Variants in RET observed in about 807,000 individuals in gnomAD.
RET encodes ret proto-oncogene.
RET carries 19 observed loss-of-function variants against 118.3 expected under a neutral mutation model. The ratio of observed to expected loss-of-function variants is 0.16; its 90% CI spans 0.11 to 0.24. The LOEUF (loss-of-function observed/expected upper bound fraction) is 0.24. RET is among the 10% of genes least tolerant of loss of function. The probability of loss-of-function intolerance (pLI) is 1.00; values close to 1 mark genes in which losing one functional copy is unlikely to be tolerated. For missense variants in RET, 1,219 were observed against 1,502.1 expected (o/e 0.81, Z 3.12); for synonymous variants, 597 against 644.1 (o/e 0.93, Z 1.11).
chr10:43,103,323 G>A (rs918379075), intron 3 of RET, among the ~76,000 whole-genome samples: 15 of 152,194 alleles, frequency 9.9e-5, no homozygotes, highest in African/African-American at 1.4e-4. Context: ...AGGTTCAGGG[G>A]CGAAGCTGGG....
chr10:43,080,229 G>A (rs932968811), intron 1 of RET, among the ~76,000 whole-genome samples: 1 of 152,212 alleles, frequency 6.6e-6, no homozygotes, highest in Admixed American at 6.5e-5. Context: ...GGAACCTGGG[G>A]TGCCAAGGGG....
intron 11 of RET, 33 bp from the exon 12 acceptor site, chr10:43,116,551 C>G (rs1451553190): frequency 6.2e-7 from 1 of 1,613,148 alleles, no homozygotes; most frequent in Non-Finnish European, 8.5e-7. Context: ...ACTTTTCCCC[C>G]CTCTTCTCCC....
intron 1 of RET, among the ~76,000 whole-genome samples, chr10:43,079,378 C>T (rs1160818339): frequency 6.6e-6 from 1 of 152,230 alleles, no homozygotes; most frequent in African/African-American, 2.4e-5. Flanking sequence ...CTCCTCATAC[C>T]TGCAGGGCAT....
chr10:43,119,427 A>G (rs1397239319), intron 13 of RET, 104 bp from the exon 14 acceptor site: 3 of 895,700 alleles, frequency 3.3e-6, no homozygotes, highest in Non-Finnish European at 5.2e-6. Context: ...CCCCTTACTC[A>G]TTGGGTGGCC....
intron 1 of RET, among the ~76,000 whole-genome samples, chr10:43,091,117 T>TA (rs1837401361): frequency 6.6e-6 from 1 of 151,972 alleles, no homozygotes; most frequent in African/African-American, 2.4e-5. Context: ...GATCCCCCTA[T>TA]AAAAACCAGA....
At chr10:43,127,142 C>T (rs1838352931) in intron 19 of RET, 1 of 1,119,310 alleles carries the variant, frequency 8.9e-7, no homozygotes, top group African/African-American at 1.6e-5. Flanking sequence ...TCAGCCTGCA[C>T]TGGGAGCACA....
At position 43,123,801 on chromosome 10, in the gene RET, G is replaced by A. The variant is rs758800351; in HGVS notation, c.2932G>A (p.Glu978Lys). Residue 978 changes from glutamate (E) to lysine (K), a missense_variant, in exon 17 of 20, where the codon GAG becomes AAG. Physicochemically the swap from Glu to Lys is moderately conservative, Grantham distance 56 (BLOSUM62 1). Coordinates refer to ENST00000355710, the MANE Select transcript of RET (RefSeq NM_020975.6). ...GATGGAGAGGCCAGACAACTGCAGC[G>A]AGGAGATGTGAGCGGGGACTGGCTT... ...HRMERPDNCS[E>K]EMYRLMLQCW... 22 of 1,613,992 alleles carry A rather than the reference G, an allele frequency of 1.4e-5. No homozygotes were observed. The highest frequency in any genetic ancestry group is 1.1e-4 in the African/African-American group (8 of 74,950).
Position 43,112,236 on chromosome 10 carries a change from A to C in RET, c.1648+12A>C. ...AGGAGATGGCAAAGGTAAGCCCTGG[A>C]AACGCCCAAGGGAGGCCTGCAGGGG... On this transcript the variant is annotated intron_variant, in intron 8 of 19. Transcript: ENST00000355710. 1.9e-6 allele frequency: 3 copies of C among 1,551,992 alleles called. No homozygotes were observed. The highest frequency in any genetic ancestry group is 2.6e-6 in the Non-Finnish European group (3 of 1,147,196).
intron 15 of RET, among the ~76,000 whole-genome samples, chr10:43,120,916 C>T (rs1838201410): frequency 6.8e-6 from 1 of 146,060 alleles, no homozygotes; most frequent in Non-Finnish European, 1.5e-5. Context: ...ACGTTCAGAG[C>T]AGACCCTGCT....
At chr10:43,089,807 G>C (rs536859380) in intron 1 of RET, among the ~76,000 whole-genome samples, 140 of 152,388 alleles carry the variant, frequency 9.2e-4, no homozygotes, top group African/African-American at 3.1e-3. Context: ...GCCAAGAGCA[G>C]GTTGAGTGTA....
At chr10:43,095,598 C>G (rs184321616) in intron 1 of RET, among the ~76,000 whole-genome samples, 1 of 152,234 alleles carries the variant, frequency 6.6e-6, no homozygotes, top group African/African-American at 2.4e-5. Flanking sequence ...ACGTGTGGAA[C>G]ATTGGAAACA....
In RET at chr10:43,114,398, CATG is replaced by C; in HGVS notation, c.1880-80_1880-78del. 1.3e-6 allele frequency: 2 copies of C among 1,575,604 alleles called. No homozygotes were observed. Among genetic ancestry groups the C allele is most frequent in the South Asian group, 2.2e-5 (2 of 89,302 alleles). ...GCGCGGACACGGCAGGCTGGAGAGCCATGAGGCAGAGCATACGCAGCCTGTACC... is the reference window on the plus strand; with the variant it reads ...GCGCGGACACGGCAGGCTGGAGAGCCAGGCAGAGCATACGCAGCCTGTACC... On this transcript the variant is annotated intron_variant, in intron 10 of 19. Coordinates refer to ENST00000355710, the MANE Select transcript of RET (RefSeq NM_020975.6). This position sits in a 1 kb window ranked among gnomAD's most constrained non-coding sequence, Gnocchi z 4.6.
intron 2 of RET, among the ~76,000 whole-genome samples, chr10:43,101,771 A>G (rs1375587834): frequency 6.6e-6 from 1 of 152,152 alleles, no homozygotes; most frequent in Non-Finnish European, 1.5e-5. Flanking sequence ...TAATTACAAC[A>G]GGGGATTGGA....
rs1837779952 is a variant in RET, at chr10:43,106,467, C to T, written c.959C>T (p.Pro320Leu). 1.2e-6 allele frequency: 2 copies of T among 1,613,512 alleles called. No individual in the cohort carries two copies. Among genetic ancestry groups the T allele is most frequent in the Admixed American group, 1.7e-5 (1 of 59,992 alleles). Residue 320 changes from proline to leucine, a missense_variant, in exon 5 of 20, where the codon CCC becomes CTC. Transcript: ENST00000355710. The surrounding 1 kb of genome is among the most constrained non-coding windows in gnomAD (Gnocchi z 5.1). ...LVRRYTSTLL[P>L]GDTWAQQTFR... ...AGGCGGTACACAAGCACGCTGCTCC[C>T]CGGGGACACCTGGGCCCAGCAGACC...
intron 11 of RET, among the ~76,000 whole-genome samples, chr10:43,115,531 C>G (rs971767654): frequency 6.6e-5 from 10 of 152,240 alleles, no homozygotes; most frequent in African/African-American, 2.4e-4. Flanking sequence ...TTGGTGGTCC[C>G]CATCCTGGCC....
At position 43,106,274 on chromosome 10, in the gene RET, C is replaced by T. The variant is rs896010373; in HGVS notation, c.868-102C>T. ...CTCTGACAACACACATCTGGTCCAC[C>T]TATGGGCTGTGTGGGACGTGCAGCA... On this transcript the variant is annotated intron_variant, in intron 4 of 19. Transcript: ENST00000355710. The surrounding 1 kb of genome is among the most constrained non-coding windows in gnomAD (Gnocchi z 5.1). 22 of 1,156,208 alleles carry T rather than the reference C, an allele frequency of 1.9e-5. No homozygotes were observed. Among genetic ancestry groups the T allele is most frequent in the African/African-American group, 4.5e-5 (3 of 66,036 alleles). 71.6% of individuals were successfully genotyped at this position (1,156,208 alleles called of 1,614,324 possible).
chr10:43,116,791 AG>A, intron 12 of RET, 60 bp downstream of exon 12: 2 of 1,562,454 alleles, frequency 1.3e-6, no homozygotes, highest in Non-Finnish European at 1.8e-6. Context: ...GGGGCGGGTG[AG>A]GCCCCTCCTG....
In RET at chr10:43,102,373, C is replaced by G. The variant is rs2132678260; in HGVS notation, c.369C>G (p.Leu123=). 1 of 1,614,246 alleles carries G rather than the reference C, an allele frequency of 6.2e-7. No homozygotes were observed. Among genetic ancestry groups the G allele is most frequent in the Non-Finnish European group, 8.5e-7 (1 of 1,180,046 alleles). The change falls in exon 3 of 20, where the codon CTC becomes CTG. Residue 123 remains leucine, a synonymous_variant. Coordinates refer to ENST00000355710, the MANE Select transcript of RET (RefSeq NM_020975.6). The part of the protein sequence containing the change: ...NRGFPLLTVY[L]KVFLSPTSLR... ...GCTTTCCCCTGCTCACCGTCTACCT[C>G]AAGGTCTTCCTGTCACCCACATCCC...
At chr10:43,127,548 G>T in intron 19 of RET, 1 of 954,446 alleles carries the variant, frequency 1.0e-6, no homozygotes. Context: ...AAATCTTGGA[G>T]TTTCAAGCAT....
Sources: gnomAD v4.1 joint callset for allele counts (sites outside exome capture counted in the v4.1 genomes callset) on GRCh38, gnomAD v4.1.1 for gene constraint, Gnocchi (gnomAD v3.1) non-coding constraint, MANE v1.5 for transcripts, NCBI Gene and HGNC (gene_info 2026-07-23, HGNC 2026-07-21) for gene names.